The following SPAG16 variants were observed in gnomAD, a reference collection of about 807,000 sequenced individuals.
SPAG16 encodes sperm-associated antigen 16 protein.
A neutral mutation model predicts 80.4 loss-of-function variants in SPAG16; 86 were observed. The observed-to-expected ratio is 1.07, with a 90% CI of 0.90 to 1.28. The LOEUF (loss-of-function observed/expected upper bound fraction) is 1.28. SPAG16 is among the 50% of genes most tolerant of loss of function. The pLI is 0.00. For missense variants in SPAG16, 870 were observed against 765.3 expected (o/e 1.14, Z -1.61); for synonymous variants, 294 against 265.9 (o/e 1.11, Z -1.03).
At chr2:213,807,910 T>C (rs530273631) in intron 10 of SPAG16, among the ~76,000 whole-genome samples, 2 of 152,344 alleles carry the variant, frequency 1.3e-5, no homozygotes, top group South Asian at 2.1e-4. Flanking sequence ...ATGACTGTGA[T>C]GTATATTTTC....
At chr2:213,305,729 C>G (rs948778712) in intron 3 of SPAG16, among the ~76,000 whole-genome samples, 1 of 151,966 alleles carries the variant, frequency 6.6e-6, no homozygotes, top group African/African-American at 2.4e-5. Flanking sequence ...TGATGATGAC[C>G]TTTTTAATGT....
At chr2:213,505,628 T>C (rs1044062167) in intron 10 of SPAG16, among the ~76,000 whole-genome samples, 5 of 152,170 alleles carry the variant, frequency 3.3e-5, no homozygotes, top group African/African-American at 1.2e-4. Context: ...TTAGAGATAA[T>C]GATGTTTAAT....
intron 10 of SPAG16, among the ~76,000 whole-genome samples, chr2:213,636,534 T>C (rs990984940): frequency 6.6e-6 from 1 of 152,222 alleles, no homozygotes; most frequent in African/African-American, 2.4e-5. Context: ...AATTTGTAGA[T>C]TGCTTTTGGC....
At chr2:213,589,239 A>G (rs2060593812) in intron 10 of SPAG16, among the ~76,000 whole-genome samples, 1 of 152,226 alleles carries the variant, frequency 6.6e-6, no homozygotes, top group Non-Finnish European at 1.5e-5. Flanking sequence ...GCAGAAAATT[A>G]GATCACAATG....
At chr2:213,596,269 T>G (rs1255407091) in intron 10 of SPAG16, among the ~76,000 whole-genome samples, 1 of 152,130 alleles carries the variant, frequency 6.6e-6, no homozygotes, top group Non-Finnish European at 1.5e-5. Context: ...ATTTGAACTT[T>G]GAAAAAATAT....
At chr2:214,061,766 T>A (rs2050266753) in intron 13 of SPAG16, among the ~76,000 whole-genome samples, 1 of 152,146 alleles carries the variant, frequency 6.6e-6, no homozygotes, top group African/African-American at 2.4e-5. Context: ...ACTCAGTATT[T>A]TACAGTACTC....
chr2:213,979,265 GT>G (rs1339746166), intron 12 of SPAG16, among the ~76,000 whole-genome samples: 2 of 151,924 alleles, frequency 1.3e-5, no homozygotes, highest in African/African-American at 2.4e-5. Context: ...AAAAAGAAAT[GT>G]TGGGGGGTAT....
intron 9 of SPAG16, among the ~76,000 whole-genome samples, chr2:213,375,796 T>C (rs1038412164): frequency 2.0e-5 from 3 of 151,860 alleles, no homozygotes; most frequent in Non-Finnish European, 4.4e-5. Context: ...ATATTTACAA[T>C]TATAATAGCT....
At chr2:213,836,480 T>C (rs2074090346) in intron 10 of SPAG16, among the ~76,000 whole-genome samples, 1 of 152,170 alleles carries the variant, frequency 6.6e-6, no homozygotes, top group African/African-American at 2.4e-5. Context: ...TATGATGCTT[T>C]AGGGTTACTT....
chr2:214,328,059 A>T (rs748705369), intron 15 of SPAG16, among the ~76,000 whole-genome samples: 25 of 152,160 alleles, frequency 1.6e-4, no homozygotes, highest in Admixed American at 1.2e-3. Flanking sequence ...AAAAATAAAG[A>T]GATGCTTTTT....
intron 10 of SPAG16, among the ~76,000 whole-genome samples, chr2:213,532,682 C>T (rs1045092219): frequency 6.6e-6 from 1 of 150,782 alleles, no homozygotes; most frequent in Admixed American, 6.6e-5. Flanking sequence ...AGGCTGATCT[C>T]GAACTCCTGA....
intron 5 of SPAG16, among the ~76,000 whole-genome samples, chr2:213,334,648 A>G (rs909774439): frequency 2.0e-5 from 3 of 152,200 alleles, no homozygotes; most frequent in African/African-American, 7.2e-5. Context: ...AGATTCTGTC[A>G]TTTGCAACAT....
chr2:213,878,570 A>G (rs1271730930), intron 11 of SPAG16, among the ~76,000 whole-genome samples: 1 of 152,058 alleles, frequency 6.6e-6, no homozygotes, highest in African/African-American at 2.4e-5. Flanking sequence ...TGTCAGATAC[A>G]TAGTTTGCAA....
At chr2:213,719,267 A>T (rs1216652278) in intron 10 of SPAG16, among the ~76,000 whole-genome samples, 1 of 151,714 alleles carries the variant, frequency 6.6e-6, no homozygotes, top group Non-Finnish European at 1.5e-5. Flanking sequence ...CTTTATGTCT[A>T]GCTCAAGGAT....
chr2:213,331,596 G>C (rs1328599351), intron 5 of SPAG16, among the ~76,000 whole-genome samples: 1 of 152,140 alleles, frequency 6.6e-6, no homozygotes, highest in African/African-American at 2.4e-5. Context: ...GGACTTGATA[G>C]ATATTTCCAT....
At chr2:214,109,748 G>C (rs2053571255) in intron 14 of SPAG16, among the ~76,000 whole-genome samples, 1 of 152,086 alleles carries the variant, frequency 6.6e-6, no homozygotes, top group African/African-American at 2.4e-5. Flanking sequence ...GAGCCAATTA[G>C]TTGGAAAGTA....
At chr2:213,475,364 GC>G (rs2073316753) in intron 9 of SPAG16, among the ~76,000 whole-genome samples, 3 of 152,160 alleles carry the variant, frequency 2.0e-5, no homozygotes, top group Admixed American at 2.0e-4. Flanking sequence ...TAGGATGGGG[GC>G]AAAATAATAT....
At chr2:214,334,763 T>C (rs1425700594) in intron 15 of SPAG16, among the ~76,000 whole-genome samples, 1 of 152,218 alleles carries the variant, frequency 6.6e-6, no homozygotes, top group Admixed American at 6.5e-5. Context: ...GAATTTCCAT[T>C]TTATGTCACC....
intron 12 of SPAG16, among the ~76,000 whole-genome samples, chr2:214,000,593 T>C (rs16851267): frequency 0.012 from 1,772 of 152,302 alleles, 41 homozygotes; most frequent in African/African-American, 0.04. Context: ...TTGTGACATA[T>C]AAGGCCAGAG....
Sources: allele counts gnomAD v4.1 joint callset (sites outside exome capture counted in the v4.1 genomes callset), GRCh38; gene constraint gnomAD v4.1.1; transcripts MANE v1.5; gene names NCBI Gene and HGNC (gene_info 2026-07-23, HGNC 2026-07-21).